The following CBX5 variants were observed in gnomAD, a reference collection of about 807,000 sequenced individuals.
CBX5 encodes chromobox protein homolog 5.
In CBX5, 7 loss-of-function variants were observed where a neutral mutation model predicts 20.7. The observed-to-expected ratio is 0.34, with a 90% CI of 0.19 to 0.63. CBX5 has a LOEUF of 0.63. Among genes scored for constraint, CBX5 ranks in the 30% least tolerant of loss-of-function variants. CBX5 has a pLI of 0.75. For missense variants in CBX5, 110 were observed against 224.1 expected (o/e 0.49, Z 3.25); for synonymous variants, 78 against 77.0 (o/e 1.01, Z -0.07).
At position 54,238,680 on chromosome 12, in the gene CBX5, C is replaced by G. The variant is rs1943646958; in HGVS notation, c.*3075G>C. Reference sequence around the variant, plus strand: ...TTTAAAATGGGTGCTCCCATGTAGGCTGATTTTCCCGGCATTTGATCTTAA... The same window carrying G: ...TTTAAAATGGGTGCTCCCATGTAGGGTGATTTTCCCGGCATTTGATCTTAA... On this transcript the variant is annotated 3_prime_UTR_variant, in exon 5 of 5. Transcript: ENST00000209875. 1 of 152,198 alleles carries G rather than the reference C, an allele frequency of 6.6e-6. No homozygotes were observed. Among genetic ancestry groups the G allele is most frequent in the Non-Finnish European group, 1.5e-5 (1 of 68,046 alleles). The allele number at this position is 152,198 out of a possible 1,614,324, so 9.4% of individuals were successfully genotyped here.
rs1484772121 is a variant in CBX5, at chr12:54,232,731, T to C, written c.*9024A>G. On this transcript the variant is annotated 3_prime_UTR_variant, in exon 5 of 5. Transcript: ENST00000209875. ...TATTTATCTAGTATAATGTGAGGAA[T>C]CTTGGAAAAATGAACTGCTTCTGAA... 2 of 151,974 alleles carry C rather than the reference T, an allele frequency of 1.3e-5. No homozygotes were observed. Among genetic ancestry groups the C allele is most frequent in the African/African-American group, 4.8e-5 (2 of 41,386 alleles). 9.4% of individuals were successfully genotyped at this position (151,974 alleles called of 1,614,324 possible). A position where few individuals can be genotyped will look rare whatever the true frequency, so the allele number is the denominator to read the frequency against.
chr12:54,273,439 T>A (rs368385320), intron 1 of CBX5: 1 of 152,172 alleles, frequency 6.6e-6, no homozygotes, highest in East Asian at 1.9e-4. Context: ...CGAGACTCTG[T>A]CTCAAAATAA....
intron 4 of CBX5, among the ~76,000 whole-genome samples, chr12:54,242,203 A>G (rs1425670951): frequency 3.9e-5 from 6 of 152,176 alleles, no homozygotes; most frequent in African/African-American, 1.4e-4. Context: ...TTATTTGTGA[A>G]TATGAGCATG....
chr12:54,245,269 C>T (rs1441117768), intron 4 of CBX5, among the ~76,000 whole-genome samples: 1 of 151,976 alleles, frequency 6.6e-6, no homozygotes, highest in East Asian at 1.9e-4. Context: ...CCTTGGCCAC[C>T]CAAAGTGTTG....
chr12:54,270,537 C>T (rs916167368), intron 1 of CBX5, among the ~76,000 whole-genome samples: 1 of 152,134 alleles, frequency 6.6e-6, no homozygotes, highest in African/African-American at 2.4e-5. Context: ...CTTCTCAAAG[C>T]GTTGAGTTTA....
chr12:54,235,137 C>T lies in CBX5; in HGVS notation c.*6618G>A, dbSNP rs1943606112. On this transcript the variant is annotated 3_prime_UTR_variant, in exon 5 of 5. Coordinates refer to ENST00000209875, the MANE Select transcript of CBX5 (RefSeq NM_012117.3). Reference sequence around the variant, plus strand: ...CAAAGTTAGTCAACTCTCAATTATCCAGGCAGAAATAAATATCTTTTTCTT... The same window carrying T: ...CAAAGTTAGTCAACTCTCAATTATCTAGGCAGAAATAAATATCTTTTTCTT... 1 of 152,168 alleles carries T rather than the reference C, an allele frequency of 6.6e-6. No individual in the cohort carries two copies. The highest frequency in any genetic ancestry group is 1.9e-4 in the East Asian group (1 of 5,200). The allele number at this position is 152,168 out of a possible 1,614,324, so 9.4% of individuals were successfully genotyped here.
intron 3 of CBX5, among the ~76,000 whole-genome samples, chr12:54,251,795 G>C (rs138085840): frequency 6.6e-6 from 1 of 152,278 alleles, no homozygotes; most frequent in East Asian, 1.9e-4. Flanking sequence ...CAGAGGAGTG[G>C]TTTAACATTT....
At chr12:54,279,878 G>A (rs961299006) in intron 1 of CBX5, 130 bp downstream of exon 1, 1 of 152,280 alleles carries the variant, frequency 6.6e-6, no homozygotes, top group Admixed American at 6.6e-5. Context: ...TTCTTCTATT[G>A]GTTGGCCCGA....
intron 3 of CBX5, among the ~76,000 whole-genome samples, chr12:54,247,102 A>G (rs1489477805): frequency 6.6e-6 from 1 of 152,230 alleles, no homozygotes; most frequent in African/African-American, 2.4e-5. Flanking sequence ...ATTAAATAGC[A>G]AAATTTCAGA....
intron 1 of CBX5, among the ~76,000 whole-genome samples, chr12:54,259,113 C>CG (rs935074887): frequency 5.9e-5 from 9 of 152,024 alleles, no homozygotes; most frequent in Non-Finnish European, 1.0e-4. Context: ...AATGTAGGTG[C>CG]GGGGGGGTTA....
intron 4 of CBX5, among the ~76,000 whole-genome samples, chr12:54,244,492 C>A (rs939614318): frequency 2.0e-5 from 3 of 151,766 alleles, no homozygotes; most frequent in Non-Finnish European, 4.4e-5. Context: ...AATCCCAGCA[C>A]GTTGGGAGGC....
chr12:54,252,278 G>C (rs1376885449), intron 2 of CBX5, 51 bp from the exon 3 acceptor site: 36 of 1,388,682 alleles, frequency 2.6e-5, no homozygotes, highest in Non-Finnish European at 3.5e-5. Flanking sequence ...GGTAAAGAAT[G>C]AGGAAAAAAA....
In CBX5 at chr12:54,268,131, G is replaced by A. The variant is rs144843713; in HGVS notation, c.-42-10439C>T. 1.3e-3 allele frequency among the ~76,000 whole-genome samples: 197 copies of A among 152,182 alleles called. 1 individual carries two copies. The highest frequency in any genetic ancestry group is 2.1e-3 in the Non-Finnish European group (143 of 67,998). ...TGCACTCCAGCCTGGGCGACAGAGC[G>A]AGACTTCATCTCAAACAAACAACAA... On this transcript the variant is annotated intron_variant, in intron 1 of 4. Coordinates refer to ENST00000209875, the MANE Select transcript of CBX5 (RefSeq NM_012117.3).
intron 1 of CBX5, among the ~76,000 whole-genome samples, chr12:54,266,791 T>C (rs1047109838): frequency 5.3e-5 from 8 of 152,162 alleles, no homozygotes; most frequent in Non-Finnish European, 1.0e-4. Flanking sequence ...ATTGGATTTT[T>C]TTTCACCCTC....
At chr12:54,263,182 G>A (rs1415609246) in intron 1 of CBX5, among the ~76,000 whole-genome samples, 1 of 152,058 alleles carries the variant, frequency 6.6e-6, no homozygotes, top group African/African-American at 2.4e-5. Context: ...CCAACATGGT[G>A]AAACCCTGTC....
chr12:54,244,639 G>A (rs1943714631), intron 4 of CBX5, among the ~76,000 whole-genome samples: 1 of 151,996 alleles, frequency 6.6e-6, no homozygotes, highest in Non-Finnish European at 1.5e-5. Flanking sequence ...TTGGGAGGCT[G>A]AGGCAGGAGA....
intron 1 of CBX5, among the ~76,000 whole-genome samples, chr12:54,267,612 T>A (rs969527131): frequency 1.3e-5 from 2 of 151,912 alleles, no homozygotes; most frequent in Non-Finnish European, 2.9e-5. Flanking sequence ...TCCGGGTTCA[T>A]GCCATTCTCC....
At chr12:54,279,035 A>T (rs1015211715) in intron 1 of CBX5, 1 of 152,228 alleles carries the variant, frequency 6.6e-6, no homozygotes, top group African/African-American at 2.4e-5. Context: ...ATCACAAATT[A>T]TTAACCTTGC....
intron 2 of CBX5, among the ~76,000 whole-genome samples, chr12:54,255,272 T>TA (rs1338466149): frequency 6.6e-6 from 1 of 151,502 alleles, no homozygotes; most frequent in African/African-American, 2.4e-5. Flanking sequence ...ATTTTGAAGA[T>TA]AAAAAAGCAG....
Sources: allele counts gnomAD v4.1 joint callset (sites outside exome capture counted in the v4.1 genomes callset), GRCh38; gene constraint gnomAD v4.1.1; transcripts MANE v1.5; gene names NCBI Gene and HGNC (gene_info 2026-07-23, HGNC 2026-07-21).